Variants in HMBOX1 observed in about 807,000 individuals in gnomAD.
HMBOX1 encodes the protein homeobox-containing protein 1.
HMBOX1 carries 14 observed loss-of-function variants against 54.5 expected under a neutral mutation model. The observed-to-expected ratio is 0.26, with a 90% CI of 0.17 to 0.40. HMBOX1 has a LOEUF of 0.40. Ranked by LOEUF, HMBOX1 falls within the 10% of genes least tolerant of loss-of-function variation. HMBOX1 has a pLI of 1.00. For missense variants in HMBOX1, 332 were observed against 514.4 expected, an observed-to-expected ratio of 0.65 and a Z score of 3.43; for synonymous variants, 160 against 181.0, an observed-to-expected ratio of 0.88 and a Z score of 0.93.
intron 1 of HMBOX1, among the ~76,000 whole-genome samples, chr8:28,951,991 G>A (rs1252213845): frequency 6.6e-6 from 1 of 151,994 alleles, no homozygotes; most frequent in Non-Finnish European, 1.5e-5. Flanking sequence ...GGGCAACATA[G>A]TTGGATCCCT....
intron 4 of HMBOX1, among the ~76,000 whole-genome samples, chr8:28,995,267 T>G (rs1478522089): frequency 6.6e-6 from 1 of 152,204 alleles, no homozygotes; most frequent in Non-Finnish European, 1.5e-5. Context: ...AATCATACAC[T>G]ATATAAACTT....
At chr8:29,003,536 A>G (rs1057007095) in intron 4 of HMBOX1, among the ~76,000 whole-genome samples, 1 of 128,296 alleles carries the variant, frequency 7.8e-6, no homozygotes, top group Non-Finnish European at 1.6e-5. Context: ...ATTTTTCTGT[A>G]TTAAATTTTT....
At chr8:29,029,350 T>C (rs1802553291) in intron 6 of HMBOX1, among the ~76,000 whole-genome samples, 1 of 152,238 alleles carries the variant, frequency 6.6e-6, no homozygotes. Flanking sequence ...GAAATACTTA[T>C]AAATCCTTTC....
At chr8:28,924,348 A>G (rs1471369509) in intron 1 of HMBOX1, among the ~76,000 whole-genome samples, 1 of 151,562 alleles carries the variant, frequency 6.6e-6, no homozygotes, top group South Asian at 2.1e-4. Flanking sequence ...TGACCTCGTG[A>G]TCTGCCCCCT....
chr8:28,967,799 TC>T (rs1826691856), intron 2 of HMBOX1, among the ~76,000 whole-genome samples: 1 of 152,170 alleles, frequency 6.6e-6, no homozygotes, highest in Non-Finnish European at 1.5e-5. Context: ...TGAAAATAGG[TC>T]TTTTTAAAAT....
intron 5 of HMBOX1, among the ~76,000 whole-genome samples, chr8:29,016,696 G>T (rs189847364): frequency 6.6e-6 from 1 of 152,366 alleles, no homozygotes; most frequent in East Asian, 1.9e-4. Flanking sequence ...TCATGTGGAT[G>T]TGGACAGGTC....
chr8:28,972,318 T>G (rs1306917728), intron 3 of HMBOX1, among the ~76,000 whole-genome samples: 2 of 152,178 alleles, frequency 1.3e-5, no homozygotes, highest in Non-Finnish European at 2.9e-5. Context: ...GCTGAAGTGA[T>G]TCTCCTGCTT....
intron 4 of HMBOX1, among the ~76,000 whole-genome samples, chr8:28,996,900 G>A (rs1456274380): frequency 6.6e-6 from 1 of 152,012 alleles, no homozygotes; most frequent in Non-Finnish European, 1.5e-5. Flanking sequence ...TTTTTGGATT[G>A]TTTATAGTTA....
chr8:29,026,103 A>G (rs910064097), intron 6 of HMBOX1, among the ~76,000 whole-genome samples: 1 of 151,244 alleles, frequency 6.6e-6, no homozygotes, highest in Non-Finnish European at 1.5e-5. Flanking sequence ...CTCTTAACAT[A>G]CCCAGAGCAC....
chr8:28,925,536 A>G (rs1214076911), intron 1 of HMBOX1, among the ~76,000 whole-genome samples: 4 of 152,202 alleles, frequency 2.6e-5, no homozygotes, highest in African/African-American at 7.2e-5. Context: ...ATAGAGTTCT[A>G]TAGTTGAAAA....
intron 1 of HMBOX1, among the ~76,000 whole-genome samples, chr8:28,902,752 C>CA (rs1342270626): frequency 8.1e-6 from 1 of 124,200 alleles, no homozygotes; most frequent in East Asian, 2.7e-4. Context: ...GCATTCTACT[C>CA]ACGAAGGCAG....
chr8:28,974,966 T>A (rs1231035614), intron 3 of HMBOX1, among the ~76,000 whole-genome samples: 1 of 152,208 alleles, frequency 6.6e-6, no homozygotes, highest in African/African-American at 2.4e-5. Context: ...TCTTTATTAT[T>A]CTTTGTTCTA....
intron 6 of HMBOX1, among the ~76,000 whole-genome samples, chr8:29,039,803 G>A (rs903800065): frequency 5.3e-5 from 8 of 152,024 alleles, no homozygotes; most frequent in African/African-American, 1.7e-4. Flanking sequence ...ATGTAGTGTG[G>A]TCCTAGGGTG....
intron 1 of HMBOX1, among the ~76,000 whole-genome samples, chr8:28,941,075 T>G (rs1821319159): frequency 6.6e-6 from 1 of 152,222 alleles, no homozygotes; most frequent in Non-Finnish European, 1.5e-5. Context: ...TTTCCCCTTG[T>G]GAAAAGCATG....
At chr8:28,990,736 A>G (rs913685913) in intron 4 of HMBOX1, among the ~76,000 whole-genome samples, 1 of 151,988 alleles carries the variant, frequency 6.6e-6, no homozygotes, top group Non-Finnish European at 1.5e-5. Context: ...GCTCACTGCA[A>G]CTTCTGTCCT....
chr8:29,041,081 C>T (rs1804737956), intron 6 of HMBOX1, among the ~76,000 whole-genome samples: 1 of 152,258 alleles, frequency 6.6e-6, no homozygotes, highest in African/African-American at 2.4e-5. Flanking sequence ...ATTGTACTGT[C>T]TCCCCCAAGT....
At chr8:29,024,499 G>T (rs1297055065) in intron 6 of HMBOX1, among the ~76,000 whole-genome samples, 1 of 152,058 alleles carries the variant, frequency 6.6e-6, no homozygotes, top group African/African-American at 2.4e-5. Context: ...TAATGGACAA[G>T]AAATCAATCA....
At chr8:29,015,937 C>A (rs186689343) in intron 5 of HMBOX1, among the ~76,000 whole-genome samples, 8 of 152,246 alleles carry the variant, frequency 5.3e-5, no homozygotes, top group African/African-American at 1.9e-4. Context: ...TATAATTTGC[C>A]AACTCTGTTT....
intron 4 of HMBOX1, among the ~76,000 whole-genome samples, chr8:28,986,691 G>C (rs143518676): frequency 6.6e-6 from 1 of 152,094 alleles, no homozygotes; most frequent in Admixed American, 6.6e-5. Flanking sequence ...AATTGTTTTC[G>C]CAGAGTGCAT....
Sources: gnomAD v4.1 joint callset for allele counts (sites outside exome capture counted in the v4.1 genomes callset) on GRCh38, gnomAD v4.1.1 for gene constraint, MANE v1.5 for transcripts, NCBI Gene and HGNC (gene_info 2026-07-23, HGNC 2026-07-21) for gene names.